SLC22A7: variants seen among roughly 807,000 people sequenced by gnomAD.
SLC22A7 encodes the protein solute carrier family 22 member 7.
Under a neutral mutation model 62.2 loss-of-function variants are expected in SLC22A7, and 48 were observed. The observed-to-expected ratio is 0.77, with a 90% CI of 0.61 to 0.98. The LOEUF (loss-of-function observed/expected upper bound fraction) is 0.98. Among genes scored for constraint, SLC22A7 ranks in the 50% least tolerant of loss-of-function variants. SLC22A7 has a pLI of 0.00. For synonymous variants in SLC22A7, 276 were observed against 314.8 expected (o/e 0.88, Z 1.30); for missense variants, 581 against 703.8 (o/e 0.83, Z 1.97).
At chr6:43,304,566 A>T (rs1778875239) in intron 10 of SLC22A7, 105 bp from the exon 11 acceptor site, 2 of 928,892 alleles carry the variant, frequency 2.2e-6, no homozygotes, top group Non-Finnish European at 3.4e-6. Context: ...AGGCGTTTGT[A>T]TACCAGGAAC....
chr6:43,301,517 G>T, intron 6 of SLC22A7, 66 bp from the exon 7 acceptor site: 1 of 1,281,646 alleles, frequency 7.8e-7, no homozygotes, highest in Non-Finnish European at 1.1e-6. Context: ...TGGGGGGAGA[G>T]TACTGTGTCC....
chr6:43,303,328 C>T (rs1778820778), intron 9 of SLC22A7: 2 of 186,738 alleles, frequency 1.1e-5, no homozygotes, highest in Admixed American at 6.5e-5. Context: ...GGTGTGGTGG[C>T]GAATGCCTGT....
chr6:43,300,042 G>A lies in SLC22A7; in HGVS notation c.803G>A (p.Cys268Tyr), dbSNP rs1423723554. ...RWLLLAVTLP[C>Y]APGILSLWWV... ...CTTCTGCTAGCTGTCACCCTGCCTT[G>A]TGCCCCAGGCATCCTCAGCCTCTGG... Residue 268 changes from cysteine (C) to tyrosine (Y), a missense_variant, in exon 5 of 11, where the codon TGT (cysteine) becomes TAT (tyrosine). Transcript: ENST00000372585. 6.2e-7 allele frequency: 1 copy of A among 1,614,074 alleles called. No homozygotes were observed. Among genetic ancestry groups the A allele is most frequent in the Non-Finnish European group, 8.5e-7 (1 of 1,180,026 alleles).
Position 43,298,730 on chromosome 6 carries a change from C to T in SLC22A7, c.372C>T (p.Phe124=). The stretch of plus-strand genomic sequence containing the variant: ...GCTGGGAGTACGACCACTCAGAATT[C>T]TCCTCTACCATTGCAACTGAGGTAC... ...SQGWEYDHSE[F]SSTIATESQW... is the part of the protein sequence containing the mutation. The change falls in exon 1 of 11, where the codon TTC becomes TTT. Residue 124 remains phenylalanine, a synonymous_variant. Coordinates refer to ENST00000372585, the MANE Select transcript of SLC22A7 (RefSeq NM_153320.2). 3.9e-6 allele frequency: 6 copies of T among 1,520,692 alleles called. No individual in the cohort carries two copies. The highest frequency in any genetic ancestry group is 1.3e-5 in the South Asian group (1 of 75,378). 94.2% of individuals were successfully genotyped at this position (1,520,692 alleles called of 1,614,324 possible).
At chr6:43,296,440 C>T (rs1343882518), upstream of SLC22A7, among the ~76,000 whole-genome samples, 1 of 152,178 alleles carries the variant, frequency 6.6e-6, no homozygotes, top group Non-Finnish European at 1.5e-5. Flanking sequence ...GATGGGGTGA[C>T]CACAAAACTT....
At chr6:43,304,271 A>G in intron 10 of SLC22A7, 27 bp downstream of exon 10, 2 of 1,470,850 alleles carry the variant, frequency 1.4e-6, no homozygotes, top group Non-Finnish European at 1.8e-6. Context: ...GTGTCTGTGT[A>G]CGTGTGATAA....
chr6:43,300,264 G>A (rs1016504300), intron 5 of SLC22A7, 198 bp downstream of exon 5: 14 of 623,134 alleles, frequency 2.2e-5, no homozygotes, highest in Middle Eastern at 4.2e-4. Context: ...GGAAAAGTGA[G>A]AAACAGAGAA....
chr6:43,304,638 C>A (rs1191234945), intron 10 of SLC22A7, 33 bp from the exon 11 acceptor site: 1 of 1,596,140 alleles, frequency 6.3e-7, no homozygotes. Context: ...GGGGATTAAA[C>A]CCCACCATTG....
intron 10 of SLC22A7, 141 bp from the exon 11 acceptor site, chr6:43,304,530 C>T: frequency 1.4e-6 from 1 of 699,670 alleles, no homozygotes; most frequent in South Asian, 1.8e-5. Context: ...GGGGTGTGTA[C>T]AAGCATGTGT....
At chr6:43,300,368 G>T (rs1778697413) in intron 5 of SLC22A7, among the ~76,000 whole-genome samples, 1 of 152,176 alleles carries the variant, frequency 6.6e-6, no homozygotes, top group Admixed American at 6.5e-5. Context: ...CCAGCATGGG[G>T]GTGGGGAGCT....
Position 43,304,680 on chromosome 6 carries a change from C to T in SLC22A7, c.1602C>T (p.Thr534=), listed in dbSNP as rs773949153. ...IQDVERKSAP[T]SLQEEEMPMK... is the part of the protein sequence containing the mutation. ...ACTCCTTCCTCCCTAGTGCCCCAAC[C>T]AGTCTTCAGGAGGAAGAGATGCCCA... The change falls in exon 11 of 11, where the codon ACC becomes ACT. Residue 534 remains threonine (T), a synonymous_variant. Transcript: ENST00000372585. 6 of 1,602,408 alleles carry T rather than the reference C, an allele frequency of 3.7e-6. No homozygotes were observed. In the South Asian group the frequency reaches 5.5e-5, roughly 15 times the overall value.
In SLC22A7 at chr6:43,304,331, C is replaced by T; in HGVS notation, c.1592+87C>T. ...GATACCTGACACCTTAGGATTCAGA[C>T]AGGAAACTATATCTGCACATGTGTA... is the stretch of plus-strand genomic sequence containing the variant. On this transcript the variant is annotated intron_variant, in intron 10 of 10. Coordinates refer to ENST00000372585, the MANE Select transcript of SLC22A7 (RefSeq NM_153320.2). 3 of 1,170,300 alleles carry T rather than the reference C, an allele frequency of 2.6e-6. 1 individual carries two copies. The South Asian group carries it at 5.0e-5, about 20-fold the overall frequency. 72.5% of individuals were successfully genotyped at this position (1,170,300 alleles called of 1,614,324 possible). A position where few individuals can be genotyped will look rare whatever the true frequency, so the allele number is the denominator to read the frequency against.
At chr6:43,296,507 C>A (rs547442746), upstream of SLC22A7, among the ~76,000 whole-genome samples, 56 of 152,282 alleles carry the variant, frequency 3.7e-4, no homozygotes, top group African/African-American at 1.3e-3. Flanking sequence ...TTAATAATAT[C>A]ATTACATAGT....
intron 10 of SLC22A7, 32 bp downstream of exon 10, chr6:43,304,276 T>A: frequency 4.1e-6 from 6 of 1,459,084 alleles, no homozygotes; most frequent in Non-Finnish European, 5.5e-6. Flanking sequence ...TGTGTACGTG[T>A]GATAACATGC....
rs140727546 is a variant in SLC22A7 at position 43,299,631 on chromosome 6, G to A, written c.508G>A (p.Gly170Arg). 1.9e-6 allele frequency: 3 copies of A among 1,614,072 alleles called. No homozygotes were observed. The highest frequency in any genetic ancestry group is 3.3e-5 in the Admixed American group (2 of 60,000). Reference sequence around the variant, plus strand: ...CCCTGCATGACCCCTTTGCAGGTTTGGGCGGCGGCGTCTGCTGCTGGTAGC... The same window carrying A: ...CCCTGCATGACCCCTTTGCAGGTTTAGGCGGCGGCGTCTGCTGCTGGTAGC... Reference protein sequence around the residue: ...VAFGYLSDRFGRRRLLLVAYV... With the variant: ...VAFGYLSDRFRRRRLLLVAYV... Residue 170 changes from glycine to arginine, a missense_variant, in exon 4 of 11, where the codon GGG becomes AGG. Physicochemically the swap from Gly to Arg is moderately radical, Grantham distance 125 (BLOSUM62 -2). Coordinates refer to ENST00000372585, the MANE Select transcript of SLC22A7 (RefSeq NM_153320.2). This position sits in a 1 kb window ranked among gnomAD's most constrained non-coding sequence, Gnocchi z 4.4.
Position 43,302,856 on chromosome 6 carries a change from C to G in SLC22A7, c.1385+93C>G. On this transcript the variant is annotated intron_variant, in intron 9 of 10. Coordinates refer to ENST00000372585, the MANE Select transcript of SLC22A7 (RefSeq NM_153320.2). This position sits in a 1 kb window ranked among gnomAD's most constrained non-coding sequence, Gnocchi z 5.0. ...ACATACACGCACCACAACCTGGTCT[C>G]TCACTCATTTTTTTTTTAATTTTAA... 1 of 841,876 alleles carries G rather than the reference C, an allele frequency of 1.2e-6. No homozygotes were observed. The highest frequency in any genetic ancestry group is 1.9e-6 in the Non-Finnish European group (1 of 530,962). The allele number at this position is 841,876 out of a possible 1,614,324, so 52.2% of individuals were successfully genotyped here.
Position 43,302,051 on chromosome 6 carries a change from A to G in SLC22A7, c.1062-149A>G. ...TGGCGCATGCTGCACAGAGGGCATT[A>G]TGGATGTCAGGGAAGGTCCTGGCGG... is the stretch of plus-strand genomic sequence containing the variant. On this transcript the variant is annotated intron_variant, in intron 7 of 10. Coordinates refer to ENST00000372585, the MANE Select transcript of SLC22A7 (RefSeq NM_153320.2). The surrounding 1 kb of genome is among the most constrained non-coding windows in gnomAD (Gnocchi z 5.0). 1 of 680,638 alleles carries G rather than the reference A, an allele frequency of 1.5e-6. No individual in the cohort carries two copies. Among genetic ancestry groups the G allele is most frequent in the Non-Finnish European group, 2.5e-6 (1 of 398,916 alleles). The allele number at this position is 680,638 out of a possible 1,614,324, so 42.2% of individuals were successfully genotyped here. A position where few individuals can be genotyped will look rare whatever the true frequency, so the allele number is the denominator to read the frequency against.
chr6:43,302,084 G>A lies in SLC22A7; in HGVS notation c.1062-116G>A, dbSNP rs1449872272. 24 of 906,656 alleles carry A rather than the reference G, an allele frequency of 2.6e-5. No homozygotes were observed. Among genetic ancestry groups the A allele is most frequent in the African/African-American group, 8.4e-5 (5 of 59,846 alleles). The allele number at this position is 906,656 out of a possible 1,614,324, so 56.2% of individuals were successfully genotyped here. A position where few individuals can be genotyped will look rare whatever the true frequency, so the allele number is the denominator to read the frequency against. ...CAGGGAAGGTCCTGGCGGGGGGACC[G>A]GGGGTTGCAGAGACAGAAGGAGATT... On this transcript the variant is annotated intron_variant, in intron 7 of 10. Transcript: ENST00000372585. This position sits in a 1 kb window ranked among gnomAD's most constrained non-coding sequence, Gnocchi z 5.0.
At position 43,299,661 on chromosome 6, in the gene SLC22A7, G is replaced by A. The variant is rs772047817; in HGVS notation, c.538G>A (p.Val180Met). The change falls in exon 4 of 11, where the codon GTG becomes ATG. Residue 180 changes from valine to methionine, a missense_variant. Coordinates refer to ENST00000372585, the MANE Select transcript of SLC22A7 (RefSeq NM_153320.2). The surrounding 1 kb of genome is among the most constrained non-coding windows in gnomAD (Gnocchi z 4.4). ...GCGGCGTCTGCTGCTGGTAGCCTACGTGAGTACCCTGGTGCTGGGCCTGGC... is the reference window on the plus strand; with the variant it reads ...GCGGCGTCTGCTGCTGGTAGCCTACATGAGTACCCTGGTGCTGGGCCTGGC... ...GRRRLLLVAY[V>M]STLVLGLASA... The A allele has an allele frequency of 1.6e-5, 26 of 1,614,068 alleles. No homozygotes were observed. Among genetic ancestry groups the A allele is most frequent in the African/African-American group, 1.2e-4 (9 of 74,932 alleles).
Sources: allele counts gnomAD v4.1 joint callset (sites outside exome capture counted in the v4.1 genomes callset), GRCh38; gene constraint gnomAD v4.1.1; non-coding constraint Gnocchi (gnomAD v3.1); transcripts MANE v1.5; gene names NCBI Gene and HGNC (gene_info 2026-07-23, HGNC 2026-07-21).